CFAP58: variants seen among roughly 807,000 people sequenced by gnomAD.
The protein encoded by CFAP58 is cilia- and flagella-associated protein 58.
In CFAP58, 88 loss-of-function variants were observed where a neutral mutation model predicts 119.5. That is an observed-to-expected ratio of 0.74 (90% CI 0.62 to 0.88). CFAP58 has a LOEUF of 0.88. CFAP58 is among the 40% of genes least tolerant of loss of function. The probability of loss-of-function intolerance (pLI) is 0.00; values close to 1 mark genes in which losing one functional copy is unlikely to be tolerated. For missense variants in CFAP58, 990 were observed against 1,021.2 expected, an observed-to-expected ratio of 0.97 and a Z score of 0.42; for synonymous variants, 365 against 366.3, an observed-to-expected ratio of 1.00 and a Z score of 0.04.
At chr10:104,440,082 A>G (rs571278032) in intron 15 of CFAP58, among the ~76,000 whole-genome samples, 1 of 147,860 alleles carries the variant, frequency 6.8e-6, no homozygotes, top group African/African-American at 2.6e-5. Context: ...TGGGCCTCCC[A>G]AAGTGCTGGG....
chr10:104,381,265 A>T (rs2011796585), intron 9 of CFAP58, among the ~76,000 whole-genome samples: 1 of 152,186 alleles, frequency 6.6e-6, no homozygotes, highest in Admixed American at 6.5e-5. Context: ...TAGGAGAGAG[A>T]AGGCTCGAGG....
chr10:104,410,645 T>G (rs2012445306), intron 15 of CFAP58, among the ~76,000 whole-genome samples: 1 of 152,166 alleles, frequency 6.6e-6, no homozygotes, highest in Admixed American at 6.5e-5. Context: ...TTCTTCTGTT[T>G]GATAGTTAGA....
At position 104,444,740 on chromosome 10, in the gene CFAP58, G is replaced by A. The variant is rs149820502; in HGVS notation, c.2257-2958G>A. The stretch of plus-strand genomic sequence containing the variant: ...ACCAAAATTCACGCACAGTGAAGCC[G>A]GGCAATACACATTCCAACAACTGCC... On this transcript the variant is annotated intron_variant, in intron 15 of 17. Transcript: ENST00000369704. 5.8e-4 allele frequency among the ~76,000 whole-genome samples: 89 copies of A among 152,238 alleles called. 1 individual carries two copies. In the East Asian group the frequency reaches 0.015, roughly 25 times the overall value.
chr10:104,409,857 A>G (rs1339667493), intron 15 of CFAP58, among the ~76,000 whole-genome samples: 1 of 111,832 alleles, frequency 8.9e-6, no homozygotes, highest in African/African-American at 4.1e-5. Flanking sequence ...AATTAAAAAA[A>G]AATCTTATCT....
the CFAP58 span, among the ~76,000 whole-genome samples, chr10:104,343,703 G>A: frequency 6.6e-6 from 1 of 151,966 alleles, no homozygotes; most frequent in Non-Finnish European, 1.5e-5. Context: ...AAAAATGCAG[G>A]CCACAACTTA....
intron 15 of CFAP58, among the ~76,000 whole-genome samples, chr10:104,419,532 T>C (rs979863842): frequency 3.3e-5 from 5 of 152,116 alleles, no homozygotes; most frequent in African/African-American, 1.2e-4. Context: ...TTTACTTCTC[T>C]ATTTTAGGGA....
intron 9 of CFAP58, among the ~76,000 whole-genome samples, chr10:104,387,643 T>G (rs2133024171): frequency 6.6e-6 from 1 of 152,326 alleles, no homozygotes; most frequent in East Asian, 1.9e-4. Flanking sequence ...TTGAGAGGCA[T>G]GAGAAATGGC....
chr10:104,391,304 A>C (rs573568469), intron 9 of CFAP58, among the ~76,000 whole-genome samples: 1 of 152,128 alleles, frequency 6.6e-6, no homozygotes, highest in Non-Finnish European at 1.5e-5. Flanking sequence ...CTGTTTCTTC[A>C]TATGTGTCCC....
rs1564876003 is a variant in CFAP58 at position 104,357,931 on chromosome 10, ACACACATATATG to A, written c.10-409_10-398del. Among the ~76,000 whole-genome samples, 501 of 117,686 alleles carry A rather than the reference ACACACATATATG, an allele frequency of 4.3e-3. 20 individuals are homozygous for A. The highest frequency in any genetic ancestry group is 0.022 in the African/African-American group (455 of 20,896). The allele number at this position is 117,686 out of a possible 152,430, so 77.2% of individuals were successfully genotyped here. ...TATACACACATATATGTACACATAT[ACACACATATATG>A]TACACATATATACACATATATGTAC... On this transcript the variant is annotated intron_variant, in intron 1 of 17. Coordinates refer to ENST00000369704, the MANE Select transcript of CFAP58 (RefSeq NM_001008723.2).
At chr10:104,352,529 C>T (rs2052244498), upstream of CFAP58, among the ~76,000 whole-genome samples, 2 of 152,230 alleles carry the variant, frequency 1.3e-5, no homozygotes, top group Admixed American at 1.3e-4. Flanking sequence ...AGAGTAGAGA[C>T]AGTTTTTCAG....
chr10:104,438,768 C>G (rs1441842144), intron 15 of CFAP58, among the ~76,000 whole-genome samples: 1 of 152,186 alleles, frequency 6.6e-6, no homozygotes, highest in East Asian at 1.9e-4. Flanking sequence ...GCAGCACTTC[C>G]ACTCATAGGT....
chr10:104,448,312 A>T (rs1030046036), intron 16 of CFAP58, among the ~76,000 whole-genome samples: 1 of 152,236 alleles, frequency 6.6e-6, no homozygotes, highest in Non-Finnish European at 1.5e-5. Context: ...CAAATATGTA[A>T]CCATGAAAGG....
At chr10:104,425,768 T>G (rs2012734228) in intron 15 of CFAP58, among the ~76,000 whole-genome samples, 1 of 152,094 alleles carries the variant, frequency 6.6e-6, no homozygotes. Context: ...CTGCAGGACA[T>G]TAGCCGTTCA....
rs536262017 is a variant in CFAP58 at position 104,392,167 on chromosome 10, T to C, written c.1366-66T>C. On this transcript the variant is annotated intron_variant, in intron 9 of 17. Transcript: ENST00000369704. ...AGCCACCCTTAGATAAAAAACTCCATTTGTCCTGAACCAATAAGCACAGAT... is the reference window on the plus strand; with the variant it reads ...AGCCACCCTTAGATAAAAAACTCCACTTGTCCTGAACCAATAAGCACAGAT... The C allele has an allele frequency of 9.0e-6, 13 of 1,440,078 alleles. No homozygotes were observed. In the Admixed American group the frequency reaches 2.5e-4, roughly 27 times the overall value. 89.2% of individuals were successfully genotyped at this position (1,440,078 alleles called of 1,614,324 possible).
chr10:104,350,661 C>T (rs1470591162), upstream of CFAP58, among the ~76,000 whole-genome samples: 4 of 152,200 alleles, frequency 2.6e-5, no homozygotes, highest in African/African-American at 9.7e-5. Flanking sequence ...TCTGAGCTCC[C>T]ATTGTGCTTT....
At chr10:104,346,631 G>GTTTTTTTTTTTTTTT in the CFAP58 span, among the ~76,000 whole-genome samples, 1 of 94,890 alleles carries the variant, frequency 1.1e-5, no homozygotes, top group African/African-American at 4.9e-5. Context: ...GAGCCATTTA[G>GTTTTTTTTTTTTTTT]TCTTTTTTTT....
At chr10:104,357,511 T>C (rs1258643466) in intron 1 of CFAP58, among the ~76,000 whole-genome samples, 1 of 152,046 alleles carries the variant, frequency 6.6e-6, no homozygotes, top group Non-Finnish European at 1.5e-5. Context: ...CCCTTTGCAG[T>C]CTTAGGGGCA....
intron 12 of CFAP58, 74 bp from the exon 13 acceptor site, chr10:104,400,606 A>G: frequency 8.1e-7 from 1 of 1,238,642 alleles, no homozygotes; most frequent in Non-Finnish European, 1.2e-6. Context: ...TACTCATTGA[A>G]TGAATGGTGC....
chr10:104,374,508 G>A (rs2014865165), intron 7 of CFAP58, among the ~76,000 whole-genome samples: 1 of 132,890 alleles, frequency 7.5e-6, no homozygotes, highest in East Asian at 2.1e-4. Flanking sequence ...CATATTATGA[G>A]AGAAATTGGC....
Sources: gnomAD v4.1 joint callset for allele counts (sites outside exome capture counted in the v4.1 genomes callset) on GRCh38, gnomAD v4.1.1 for gene constraint, MANE v1.5 for transcripts, NCBI Gene and HGNC (gene_info 2026-07-23, HGNC 2026-07-21) for gene names.